ADARB2: variants seen among roughly 807,000 people sequenced by gnomAD.
ADARB2 encodes the protein inactive double-stranded RNA-specific editase B2.
A neutral mutation model predicts 62.2 loss-of-function variants in ADARB2; 25 were observed. The observed-to-expected ratio is 0.40, with a 90% confidence interval of 0.29 to 0.56. ADARB2 has a LOEUF of 0.56. Among genes scored for constraint, ADARB2 ranks in the 20% least tolerant of loss-of-function variants. The pLI, the probability that ADARB2 is intolerant of heterozygous loss-of-function variation, is 0.43. For missense variants in ADARB2, 1,071 were observed against 1,077.4 expected (o/e 0.99, Z 0.08); for synonymous variants, 572 against 500.8 (o/e 1.14, Z -1.90).
chr10:1,185,760 C>T (rs144314794), intron 8 of ADARB2, among the ~76,000 whole-genome samples: 228 of 152,316 alleles, frequency 1.5e-3, no homozygotes, highest in African/African-American at 5.3e-3. Context: ...CAGAGAGAGC[C>T]GGCATCTTCA....
chr10:1,431,538 A>T (rs779519989), intron 1 of ADARB2, among the ~76,000 whole-genome samples: 4 of 152,200 alleles, frequency 2.6e-5, no homozygotes, highest in Non-Finnish European at 5.9e-5. Context: ...CAATGGTGCA[A>T]GTTTCTATTT....
chr10:1,355,123 A>G (rs1377546241), intron 3 of ADARB2, among the ~76,000 whole-genome samples: 2 of 152,216 alleles, frequency 1.3e-5, no homozygotes, highest in African/African-American at 4.8e-5. Context: ...CCTCCCACAC[A>G]GTCGGGCTCT....
chr10:1,228,733 A>T (rs1304332526), intron 6 of ADARB2, among the ~76,000 whole-genome samples: 1 of 152,220 alleles, frequency 6.6e-6, no homozygotes, highest in Admixed American at 6.5e-5. Flanking sequence ...CCTCGGTCGC[A>T]TGCGATGCAC....
At chr10:1,262,565 C>G (rs1262228113) in intron 4 of ADARB2, among the ~76,000 whole-genome samples, 1 of 123,140 alleles carries the variant, frequency 8.1e-6, no homozygotes, top group African/African-American at 2.8e-5. Context: ...CAGAGAAATA[C>G]AAATCAAAAC....
At chr10:1,480,760 A>T (rs567332000) in intron 1 of ADARB2, among the ~76,000 whole-genome samples, 1 of 152,330 alleles carries the variant, frequency 6.6e-6, no homozygotes, top group African/African-American at 2.4e-5. Context: ...TTAGGGATAA[A>T]CTTAACCAAG....
At chr10:1,480,228 T>A (rs1416752953) in intron 1 of ADARB2, among the ~76,000 whole-genome samples, 1 of 152,120 alleles carries the variant, frequency 6.6e-6, no homozygotes, top group African/African-American at 2.4e-5. Context: ...GGCATCCTAC[T>A]TGGAAAAAAA....
intron 3 of ADARB2, among the ~76,000 whole-genome samples, chr10:1,315,186 G>A (rs1042212567): frequency 6.6e-6 from 1 of 152,202 alleles, no homozygotes; most frequent in Non-Finnish European, 1.5e-5. Context: ...CCTCAGCGGG[G>A]TGGGGGCTTG....
chr10:1,294,449 G>A (rs536593724), intron 3 of ADARB2, among the ~76,000 whole-genome samples: 1 of 152,266 alleles, frequency 6.6e-6, no homozygotes, highest in Admixed American at 6.5e-5. Context: ...CTGAGTGTGT[G>A]CTGATGGGCC....
In ADARB2 at chr10:1,363,519, A is replaced by G. The variant is rs1340280101; in HGVS notation, c.586T>C (p.Cys196Arg). 5.9e-6 allele frequency: 9 copies of G among 1,534,922 alleles called. No homozygotes were observed. The Admixed American group carries it at 1.8e-4, about 31-fold the overall frequency. Residue 196 changes from cysteine to arginine, a missense_variant, in exon 3 of 10, where the codon TGC becomes CGC. Physicochemically the swap from Cys to Arg is radical, Grantham distance 180. Transcript: ENST00000381312. ...LRSFVQFPNA[C>R]QAHLAMGGGP... ...CCGCCCATGGCCAGGTGCGCCTGGC[A>G]GGCGTTGGGGAACTGCACGAAGGAC...
At chr10:1,453,812 C>G (rs1002147106) in intron 1 of ADARB2, among the ~76,000 whole-genome samples, 1 of 152,130 alleles carries the variant, frequency 6.6e-6, no homozygotes, top group African/African-American at 2.4e-5. Flanking sequence ...CGCCTCATAC[C>G]CACTGGAATG....
At chr10:1,668,843 C>T (rs910916532) in intron 1 of ADARB2, among the ~76,000 whole-genome samples, 1 of 152,240 alleles carries the variant, frequency 6.6e-6, no homozygotes, top group Admixed American at 6.5e-5. Flanking sequence ...TTGTGCTGCT[C>T]ACAGGCTGCT....
Position 1,723,289 on chromosome 10 carries a change from G to C in ADARB2, c.100+13762C>G, listed in dbSNP as rs115978470. ...CATTGCCCAGAGAACATCTGCTCCT[G>C]AGTTTTGTGCTCCTGTCCTCTGGGG... On this transcript the variant is annotated intron_variant, in intron 1 of 9. Transcript: ENST00000381312. 6.9e-3 allele frequency among the ~76,000 whole-genome samples: 1,058 copies of C among 152,298 alleles called. 12 individuals carry two copies. The highest frequency in any genetic ancestry group is 0.024 in the African/African-American group (1,002 of 41,556).
chr10:1,566,450 T>G (rs951294311), intron 1 of ADARB2, among the ~76,000 whole-genome samples: 5 of 152,242 alleles, frequency 3.3e-5, no homozygotes, highest in Admixed American at 1.3e-4. Context: ...CCAGGTACCA[T>G]GAAATCCTAA....
At chr10:1,633,925 G>A (rs947138101) in intron 1 of ADARB2, among the ~76,000 whole-genome samples, 3 of 152,074 alleles carry the variant, frequency 2.0e-5, no homozygotes, top group South Asian at 4.1e-4. Context: ...ATGTCCAGGC[G>A]ACCCGCCATC....
At chr10:1,324,818 C>A (rs1006651685) in intron 3 of ADARB2, among the ~76,000 whole-genome samples, 1 of 152,098 alleles carries the variant, frequency 6.6e-6, no homozygotes, top group Non-Finnish European at 1.5e-5. Context: ...GGTGGGCACA[C>A]AACCTACACC....
chr10:1,311,613 C>A (rs944200073), intron 3 of ADARB2, among the ~76,000 whole-genome samples: 1 of 152,172 alleles, frequency 6.6e-6, no homozygotes, highest in Non-Finnish European at 1.5e-5. Context: ...TCCATAGAGA[C>A]CCCACCACAC....
intron 8 of ADARB2, chr10:1,186,507 C>G: frequency 1.9e-6 from 1 of 519,086 alleles, no homozygotes; most frequent in Non-Finnish European, 3.8e-6. Flanking sequence ...CTCTACCTGA[C>G]GCGTTCCCCA....
chr10:1,644,342 C>A (rs1363150574), intron 1 of ADARB2, among the ~76,000 whole-genome samples: 1 of 152,228 alleles, frequency 6.6e-6, no homozygotes, highest in African/African-American at 2.4e-5. Flanking sequence ...TGTCCCCGGG[C>A]GTCTTTCTTA....
intron 6 of ADARB2, among the ~76,000 whole-genome samples, chr10:1,219,996 GATGATGATGGTA>G (rs1293779994): frequency 1.8e-4 from 26 of 147,590 alleles, no homozygotes; most frequent in African/African-American, 6.4e-4. Flanking sequence ...TGATGATGGT[GATGATGATGGTA>G]ATGGTGATGG....
Sources: allele counts gnomAD v4.1 joint callset (sites outside exome capture counted in the v4.1 genomes callset), GRCh38; gene constraint gnomAD v4.1.1; transcripts MANE v1.5; gene names NCBI Gene and HGNC (gene_info 2026-07-23, HGNC 2026-07-21).